STAG1: variants seen among roughly 807,000 people sequenced by gnomAD.
The protein encoded by STAG1 is STAG1 cohesin complex component, also known as cohesin subunit SA-1.
A neutral mutation model predicts 170.9 loss-of-function variants in STAG1; 26 were observed. The ratio of observed to expected loss-of-function variants is 0.15; its 90% CI spans 0.11 to 0.21. The LOEUF (loss-of-function observed/expected upper bound fraction) is 0.21. Among genes scored for constraint, STAG1 ranks in the 10% least tolerant of loss-of-function variants. The pLI, the probability that STAG1 is intolerant of heterozygous loss-of-function variation, is 1.00. For missense variants in STAG1, 964 were observed against 1,509.5 expected (o/e 0.64, Z 5.99); for synonymous variants, 514 against 497.7 (o/e 1.03, Z -0.44).
In STAG1 at chr3:136,363,411, A is replaced by G. The variant is rs150048785; in HGVS notation, c.2742T>C (p.Ile914=). 37 of 1,607,992 alleles carry G rather than the reference A, an allele frequency of 2.3e-5. No homozygotes were observed. In the African/African-American group the frequency reaches 3.6e-4, roughly 16 times the overall value. The change falls in exon 26 of 34, where the codon ATT becomes ATC. Residue 914 remains isoleucine (I), a synonymous_variant. Coordinates refer to ENST00000383202, the MANE Select transcript of STAG1 (RefSeq NM_005862.3). ...IKETLSKTRQ[I]DKIQCAKTLI... Reference sequence around the variant, plus strand: ...GAGTCTTGGCACACTGAATTTTATCAATCTGCCTGGTTTTACTCAGTGTTT... The same window carrying G: ...GAGTCTTGGCACACTGAATTTTATCGATCTGCCTGGTTTTACTCAGTGTTT...
chr3:136,521,594 CTAAG>C (rs1934674871), intron 6 of STAG1, among the ~76,000 whole-genome samples, 177 bp from the exon 7 acceptor site: 1 of 152,090 alleles, frequency 6.6e-6, no homozygotes, highest in African/African-American at 2.4e-5. Flanking sequence ...TCTGCCACAA[CTAAG>C]TAATTCTTAA....
intron 1 of STAG1, among the ~76,000 whole-genome samples, chr3:136,692,297 A>C (rs1576771493): frequency 1.4e-5 from 2 of 139,766 alleles, no homozygotes; most frequent in East Asian, 4.1e-4. Flanking sequence ...CTGGGTGACT[A>C]AGCAAGACTC....
At chr3:136,509,947 C>T (rs2107882353) in intron 7 of STAG1, among the ~76,000 whole-genome samples, 1 of 152,214 alleles carries the variant, frequency 6.6e-6, no homozygotes, top group African/African-American at 2.4e-5. Flanking sequence ...GATTATAGTA[C>T]TTTATTTTTA....
At chr3:136,744,085 T>A (rs962122013) in intron 1 of STAG1, among the ~76,000 whole-genome samples, 1 of 152,232 alleles carries the variant, frequency 6.6e-6, no homozygotes, top group Non-Finnish European at 1.5e-5. Context: ...CCCAGCACTT[T>A]GGGAGGCTGA....
chr3:136,354,449 G>T (rs1936551176), intron 28 of STAG1, among the ~76,000 whole-genome samples: 1 of 151,952 alleles, frequency 6.6e-6, no homozygotes, highest in Admixed American at 6.6e-5. Context: ...TTACAGGCAT[G>T]TGCCACCATG....
At chr3:136,732,816 GC>G in intron 1 of STAG1, among the ~76,000 whole-genome samples, 1 of 152,038 alleles carries the variant, frequency 6.6e-6, no homozygotes, top group East Asian at 1.9e-4. Flanking sequence ...CACCATCTTG[GC>G]CACACTGATC....
At chr3:136,479,112 A>G (rs1442505022) in intron 9 of STAG1, among the ~76,000 whole-genome samples, 1 of 139,594 alleles carries the variant, frequency 7.2e-6, no homozygotes, top group Non-Finnish European at 1.5e-5. Context: ...GTTTTAGGGT[A>G]CATGTGCACA....
At chr3:136,561,342 C>G (rs1440477876) in intron 5 of STAG1, among the ~76,000 whole-genome samples, 1 of 152,156 alleles carries the variant, frequency 6.6e-6, no homozygotes, top group Non-Finnish European at 1.5e-5. Flanking sequence ...TAAAGGAATT[C>G]TTAGTTTTCA....
chr3:136,739,801 G>A (rs1934564587), intron 1 of STAG1, among the ~76,000 whole-genome samples: 1 of 151,940 alleles, frequency 6.6e-6, no homozygotes, highest in Non-Finnish European at 1.5e-5. Context: ...TCCATCCTGG[G>A]CAACAAGAGC....
intron 21 of STAG1, among the ~76,000 whole-genome samples, chr3:136,407,747 T>C (rs1373117557): frequency 6.6e-6 from 1 of 151,882 alleles, no homozygotes; most frequent in Non-Finnish European, 1.5e-5. Flanking sequence ...CAAGCATGAG[T>C]CACTGTGACT....
In STAG1 at chr3:136,488,213, C is replaced by T. The variant is rs148924281; in HGVS notation, c.903-10801G>A. Among the ~76,000 whole-genome samples, 413 of 152,354 alleles carry T rather than the reference C, an allele frequency of 2.7e-3. 2 individuals are homozygous for T. Among genetic ancestry groups the T allele is most frequent in the South Asian group, 5.8e-3 (28 of 4,830 alleles). ...TCTCGGCTCACTGCAACCTCCACCT[C>T]CTGGGTTCAAGTGATTCTCCTGCCT... On this transcript the variant is annotated intron_variant, in intron 9 of 33. Transcript: ENST00000383202.
At chr3:136,717,063 C>T (rs1239858989) in intron 1 of STAG1, among the ~76,000 whole-genome samples, 3 of 152,210 alleles carry the variant, frequency 2.0e-5, no homozygotes, top group Non-Finnish European at 2.9e-5. Context: ...CACAGCAACA[C>T]TTAATCGTTT....
chr3:136,745,680 G>C (rs917780256), intron 1 of STAG1, among the ~76,000 whole-genome samples: 1 of 152,134 alleles, frequency 6.6e-6, no homozygotes, highest in African/African-American at 2.4e-5. Flanking sequence ...TTTCTACCAG[G>C]CCAAAGACCA....
chr3:136,474,008 G>T (rs1001697882), intron 10 of STAG1, among the ~76,000 whole-genome samples: 2 of 152,078 alleles, frequency 1.3e-5, no homozygotes, highest in African/African-American at 4.8e-5. Flanking sequence ...GGAAAAACCT[G>T]ATTTTTATAC....
At chr3:136,437,459 TG>T (rs1207062499) in intron 15 of STAG1, among the ~76,000 whole-genome samples, 1 of 152,226 alleles carries the variant, frequency 6.6e-6, no homozygotes, top group African/African-American at 2.4e-5. Context: ...TAGCTGTTCA[TG>T]GTACAAACTG....
At chr3:136,479,181 C>A (rs1396209760) in intron 9 of STAG1, among the ~76,000 whole-genome samples, 5 of 145,670 alleles carry the variant, frequency 3.4e-5, no homozygotes, top group African/African-American at 1.3e-4. Context: ...CACCCACCAA[C>A]GTGTCATCTA....
intron 14 of STAG1, among the ~76,000 whole-genome samples, chr3:136,444,745 G>A (rs1009250900): frequency 5.3e-5 from 8 of 152,182 alleles, no homozygotes; most frequent in African/African-American, 1.9e-4. Flanking sequence ...CCAAAAGTAT[G>A]AAAGTCACCC....
chr3:136,357,008 T>A (rs1936684436), intron 28 of STAG1, among the ~76,000 whole-genome samples: 1 of 151,942 alleles, frequency 6.6e-6, no homozygotes, highest in South Asian at 2.1e-4. Flanking sequence ...AGTGCAGTGG[T>A]GCGATCTCGG....
chr3:136,379,717 C>A (rs9811261), intron 22 of STAG1, among the ~76,000 whole-genome samples: 54,845 of 151,476 alleles, frequency 0.36, 10,926 homozygotes, highest in African/African-American at 0.53. Flanking sequence ...TCAACAACAA[C>A]AAAAAAGTGC....
Sources: allele counts gnomAD v4.1 joint callset (sites outside exome capture counted in the v4.1 genomes callset), GRCh38; gene constraint gnomAD v4.1.1; transcripts MANE v1.5; gene names NCBI Gene and HGNC (gene_info 2026-07-23, HGNC 2026-07-21).